Variants in DLGAP2 observed in about 807,000 individuals in gnomAD.
The protein encoded by DLGAP2 is disks large-associated protein 2.
A neutral mutation model predicts 100.3 loss-of-function variants in DLGAP2; 26 were observed. The observed-to-expected ratio is 0.26, with a 90% confidence interval of 0.19 to 0.36. The LOEUF is 0.36. DLGAP2 is among the 10% of genes least tolerant of loss of function. DLGAP2 has a pLI of 1.00. For missense variants in DLGAP2, 1,858 were observed against 1,453.2 expected, an observed-to-expected ratio of 1.28 and a Z score of -4.53; for synonymous variants, 886 against 630.1, an observed-to-expected ratio of 1.41 and a Z score of -6.08.
At chr8:1,686,213 G>C (rs1266843746) in intron 12 of DLGAP2, among the ~76,000 whole-genome samples, 2 of 152,166 alleles carry the variant, frequency 1.3e-5, no homozygotes, top group Non-Finnish European at 2.9e-5. Context: ...AATGTGGTAA[G>C]AAAGTAATGT....
chr8:1,417,727 A>ACGGGGAGGCCTCACT, intron 3 of DLGAP2, among the ~76,000 whole-genome samples: 1 of 111,512 alleles, frequency 9.0e-6, no homozygotes, highest in Admixed American at 9.1e-5. Context: ...GAGGCTCCAG[A>ACGGGGAGGCCTCACT]CACAGAAGCC....
At chr8:800,020 C>T (rs776818404) in intron 1 of DLGAP2, among the ~76,000 whole-genome samples, 15 of 152,126 alleles carry the variant, frequency 9.9e-5, no homozygotes, top group South Asian at 2.1e-4. Context: ...AGCAGCGTAC[C>T]GAGAAAACCA....
At chr8:904,147 G>A (rs1354029753) in intron 1 of DLGAP2, among the ~76,000 whole-genome samples, 8 of 152,228 alleles carry the variant, frequency 5.3e-5, no homozygotes, top group East Asian at 1.9e-4. Flanking sequence ...CTGGCCACAC[G>A]TAGCCTGTGA....
intron 1 of DLGAP2, among the ~76,000 whole-genome samples, chr8:821,858 T>C (rs1796588766): frequency 6.6e-6 from 1 of 152,274 alleles, no homozygotes; most frequent in Admixed American, 6.5e-5. Context: ...TCCATGTTCA[T>C]ACATCCTGGA....
Position 1,033,573 on chromosome 8 carries a change from C to G in DLGAP2, c.73+125607C>G, listed in dbSNP as rs117456912. On this transcript the variant is annotated intron_variant, in intron 2 of 14. Transcript: ENST00000637795. Reference sequence around the variant, plus strand: ...GTCCCAGCTACTAGGGGGGCCAAGGCAGGAGGATAGCTTGAGCCTAGGATG... The same window carrying G: ...GTCCCAGCTACTAGGGGGGCCAAGGGAGGAGGATAGCTTGAGCCTAGGATG... Among the ~76,000 whole-genome samples, 4 of 152,310 alleles carry G rather than the reference C, an allele frequency of 2.6e-5. No homozygotes were observed. The East Asian group carries it at 7.7e-4, about 29-fold the overall frequency.
chr8:1,134,638 C>G (rs1796366374), intron 2 of DLGAP2, among the ~76,000 whole-genome samples: 1 of 152,086 alleles, frequency 6.6e-6, no homozygotes, highest in East Asian at 1.9e-4. Flanking sequence ...TTTCACACTG[C>G]TATAAAGAAC....
chr8:1,420,720 A>C (rs183525850), intron 3 of DLGAP2, among the ~76,000 whole-genome samples: 247 of 152,032 alleles, frequency 1.6e-3, no homozygotes, highest in African/African-American at 5.7e-3. Context: ...GCTGTTTCCC[A>C]AATCTATCAC....
intron 2 of DLGAP2, among the ~76,000 whole-genome samples, chr8:1,104,596 G>A (rs1186436109): frequency 6.6e-6 from 1 of 152,162 alleles, no homozygotes; most frequent in Non-Finnish European, 1.5e-5. Context: ...CGAGGCGTTT[G>A]CTGACTCTGT....
At chr8:1,287,762 C>CGTGTGTGT (rs1333923540) in intron 3 of DLGAP2, among the ~76,000 whole-genome samples, 7 of 30,278 alleles carry the variant, frequency 2.3e-4, no homozygotes, top group South Asian at 1.2e-3. Flanking sequence ...TTTGGTTCAG[C>CGTGTGTGT]GTGTGTGTGT....
intron 3 of DLGAP2, among the ~76,000 whole-genome samples, chr8:1,308,892 T>G (rs530659895): frequency 6.6e-6 from 1 of 152,224 alleles, no homozygotes; most frequent in South Asian, 2.1e-4. Context: ...AAACAATGTA[T>G]GAAGAAAATT....
intron 2 of DLGAP2, among the ~76,000 whole-genome samples, chr8:1,156,646 C>T (rs1038006837): frequency 3.3e-5 from 5 of 151,978 alleles, no homozygotes; most frequent in Non-Finnish European, 7.4e-5. Context: ...CCCGGCTCAG[C>T]GCCCCAGCCC....
At position 1,138,903 on chromosome 8, in the gene DLGAP2, C is replaced by T. The variant is rs1385600504; in HGVS notation, c.74-119948C>T. On this transcript the variant is annotated intron_variant, in intron 2 of 14. Coordinates refer to ENST00000637795, the MANE Select transcript of DLGAP2 (RefSeq NM_001346810.2). ...CCTGGCCTGTGCGGCTGGTGGGAGA[C>T]TCCTCCTGTTTATTTACTTGTCCTG... Among the ~76,000 whole-genome samples, 3 of 151,616 alleles carry T rather than the reference C, an allele frequency of 2.0e-5. No individual in the cohort carries two copies. In the East Asian group the frequency reaches 5.8e-4, roughly 30 times the overall value.
intron 1 of DLGAP2, among the ~76,000 whole-genome samples, chr8:900,147 C>A (rs1798220777): frequency 6.6e-6 from 1 of 151,804 alleles, no homozygotes; most frequent in African/African-American, 2.4e-5. Flanking sequence ...ACGGTGGTGC[C>A]CTGCTCTTCA....
intron 8 of DLGAP2, among the ~76,000 whole-genome samples, chr8:1,650,951 G>A (rs1310385117): frequency 6.6e-6 from 1 of 152,180 alleles, no homozygotes; most frequent in Non-Finnish European, 1.5e-5. Flanking sequence ...TGGGAGGACG[G>A]TACGGACATT....
intron 1 of DLGAP2, among the ~76,000 whole-genome samples, chr8:845,780 A>G (rs1035894126): frequency 1.3e-5 from 2 of 152,182 alleles, no homozygotes; most frequent in African/African-American, 2.4e-5. Context: ...TAAGAGTTTT[A>G]TATACCTTTT....
At chr8:965,250 C>G (rs1985330) in intron 2 of DLGAP2, among the ~76,000 whole-genome samples, 17,895 of 108,132 alleles carry the variant, frequency 0.17, 1,718 homozygotes, top group Non-Finnish European at 0.24. Flanking sequence ...TCACCTCACA[C>G]GGCTCCTGAG....
intron 1 of DLGAP2, among the ~76,000 whole-genome samples, chr8:890,805 CTG>C (rs1798019465): frequency 1.3e-5 from 2 of 152,184 alleles, no homozygotes; most frequent in African/African-American, 4.8e-5. Context: ...AACCTCCCCT[CTG>C]TGCCCAAGCC....
chr8:1,596,856 T>G (rs1207036546), intron 6 of DLGAP2, among the ~76,000 whole-genome samples: 1 of 152,112 alleles, frequency 6.6e-6, no homozygotes. Flanking sequence ...TGTGCAGAAG[T>G]TATTTACTTT....
At chr8:1,084,276 T>G (rs1482090827) in intron 2 of DLGAP2, among the ~76,000 whole-genome samples, 3 of 152,248 alleles carry the variant, frequency 2.0e-5, no homozygotes, top group African/African-American at 7.2e-5. Flanking sequence ...TGATAAATTA[T>G]AGTTGCATAC....
Sources: gnomAD v4.1 joint callset for allele counts (sites outside exome capture counted in the v4.1 genomes callset) on GRCh38, gnomAD v4.1.1 for gene constraint, MANE v1.5 for transcripts, NCBI Gene and HGNC (gene_info 2026-07-23, HGNC 2026-07-21) for gene names.